SRGAP1: variants seen among roughly 807,000 people sequenced by gnomAD.
The protein encoded by SRGAP1 is SLIT-ROBO Rho GTPase-activating protein 1.
In SRGAP1, 43 loss-of-function variants were observed where a neutral mutation model predicts 121.9. The ratio of observed to expected loss-of-function variants is 0.35; its 90% confidence interval spans 0.28 to 0.46. The LOEUF (loss-of-function observed/expected upper bound fraction) is 0.46. SRGAP1 is among the 20% of genes least tolerant of loss of function. The pLI is 1.00. For synonymous variants in SRGAP1, 447 were observed against 485.4 expected (o/e 0.92, Z 1.04); for missense variants, 1,102 against 1,350.9 (o/e 0.82, Z 2.89).
chr12:64,018,111 G>A (rs2034453112), intron 4 of SRGAP1, among the ~76,000 whole-genome samples: 1 of 151,994 alleles, frequency 6.6e-6, no homozygotes, highest in Admixed American at 6.6e-5. Context: ...GTTTGTTTTT[G>A]AGGAGTCTTA....
chr12:63,855,993 C>T (rs538270767), intron 1 of SRGAP1, among the ~76,000 whole-genome samples: 1 of 152,158 alleles, frequency 6.6e-6, no homozygotes, highest in East Asian at 1.9e-4. Flanking sequence ...CTTGGTGGCT[C>T]ATGCCTGTAA....
At position 64,042,824 on chromosome 12, in the gene SRGAP1, G is replaced by A; in HGVS notation, c.524G>A (p.Ser175Asn). Residue 175 changes from serine to asparagine, a missense_variant, in exon 5 of 22, where the codon AGC becomes AAC. This residue lies in a region of SRGAP1 where 747 missense variants were observed against 929.4 expected (regional missense o/e 0.80). Transcript: ENST00000355086. ...MKTYHMYHAESISAESKLKEA... is the reference protein window; with the variant it reads ...MKTYHMYHAENISAESKLKEA... ...ACATACCATATGTATCATGCAGAGAGCATCAGTGCAGAGAGCAAGCTGAAA... is the reference window on the plus strand; with the variant it reads ...ACATACCATATGTATCATGCAGAGAACATCAGTGCAGAGAGCAAGCTGAAA... The A allele has an allele frequency of 6.2e-7, 1 of 1,613,850 alleles. No individual in the cohort carries two copies. The highest frequency in any genetic ancestry group is 2.2e-5 in the East Asian group (1 of 44,768).
Position 64,020,828 on chromosome 12 carries a change from A to C in SRGAP1, c.489+3816A>C, listed in dbSNP as rs570342029. ...ACTGCACTCCAGCTTGGGTGACAAG[A>C]GTGAGACTCCGTCTCAAAAAAAAAA... On this transcript the variant is annotated intron_variant, in intron 4 of 21. Transcript: ENST00000355086. Among the ~76,000 whole-genome samples the C allele has an allele frequency of 3.7e-5, 5 of 134,194 alleles. No individual in the cohort carries two copies. In the East Asian group the frequency reaches 1.2e-3, roughly 32 times the overall value. 88.0% of individuals were successfully genotyped at this position (134,194 alleles called of 152,430 possible). A position where few individuals can be genotyped will look rare whatever the true frequency, so the allele number is the denominator to read the frequency against.
rs113706581 is a variant in SRGAP1, at chr12:64,131,784, C to G, written c.2880+3584C>G. On this transcript the variant is annotated intron_variant, in intron 21 of 21. Coordinates refer to ENST00000355086, the MANE Select transcript of SRGAP1 (RefSeq NM_020762.4). ...TAGATGTGTCAGAAAGCACCCAGTT[C>G]ATAATAGGCAGTTCAGGTTGCATGG... is the stretch of plus-strand genomic sequence containing the variant. Among the ~76,000 whole-genome samples, 337 of 152,318 alleles carry G rather than the reference C, an allele frequency of 2.2e-3. 2 individuals are homozygous for G. The highest frequency in any genetic ancestry group is 7.6e-3 in the African/African-American group (315 of 41,578).
intron 3 of SRGAP1, among the ~76,000 whole-genome samples, chr12:64,007,839 A>G (rs2034132554): frequency 6.6e-6 from 1 of 152,192 alleles, no homozygotes; most frequent in Non-Finnish European, 1.5e-5. Context: ...AAGGGACTTT[A>G]TCTTCCTTAA....
intron 1 of SRGAP1, among the ~76,000 whole-genome samples, chr12:63,889,999 A>G (rs572792571): frequency 6.6e-6 from 1 of 152,058 alleles, no homozygotes; most frequent in Admixed American, 6.6e-5. Flanking sequence ...TGTTTGTTCC[A>G]TGACATGTCG....
At chr12:63,902,744 TTTGC>T (rs1454119517) in intron 1 of SRGAP1, among the ~76,000 whole-genome samples, 3 of 152,206 alleles carry the variant, frequency 2.0e-5, no homozygotes, top group African/African-American at 7.2e-5. Flanking sequence ...TTAAAATTAG[TTTGC>T]TTGCTTATTA....
chr12:63,898,528 A>G (rs913675045), intron 1 of SRGAP1, among the ~76,000 whole-genome samples: 3 of 152,232 alleles, frequency 2.0e-5, no homozygotes, highest in African/African-American at 7.2e-5. Context: ...TCCTTAAATT[A>G]AAATTTAAAT....
intron 4 of SRGAP1, among the ~76,000 whole-genome samples, chr12:64,019,638 G>T (rs2034495981): frequency 6.6e-6 from 1 of 151,994 alleles, no homozygotes; most frequent in African/African-American, 2.4e-5. Flanking sequence ...TTTATCTTCA[G>T]ATACACAAAC....
intron 4 of SRGAP1, among the ~76,000 whole-genome samples, chr12:64,023,344 G>A (rs1410324054): frequency 3.3e-5 from 5 of 151,984 alleles, no homozygotes; most frequent in African/African-American, 1.2e-4. Flanking sequence ...AGGTTAGAGG[G>A]AACATTCAAA....
chr12:64,049,092 G>A (rs1425048344), intron 6 of SRGAP1, among the ~76,000 whole-genome samples: 2 of 152,150 alleles, frequency 1.3e-5, no homozygotes, highest in Non-Finnish European at 2.9e-5. Flanking sequence ...CAATTGCCTG[G>A]AGAGTTTCTC....
chr12:63,971,073 A>C (rs997776718), intron 1 of SRGAP1, among the ~76,000 whole-genome samples: 5 of 152,192 alleles, frequency 3.3e-5, no homozygotes, highest in African/African-American at 1.2e-4. Context: ...AGACACTCTC[A>C]GCCACTCCTT....
intron 21 of SRGAP1, among the ~76,000 whole-genome samples, chr12:64,131,696 G>C (rs749390462): frequency 6.6e-6 from 1 of 152,278 alleles, no homozygotes; most frequent in Non-Finnish European, 1.5e-5. Flanking sequence ...GCATGAGCTC[G>C]ATCACATATA....
intron 6 of SRGAP1, among the ~76,000 whole-genome samples, chr12:64,050,214 T>C (rs1483888026): frequency 6.6e-6 from 1 of 152,216 alleles, no homozygotes; most frequent in Non-Finnish European, 1.5e-5. Context: ...TATAGAAATG[T>C]TGATTTTGTA....
intron 1 of SRGAP1, among the ~76,000 whole-genome samples, chr12:63,903,689 C>T (rs1396033422): frequency 6.6e-6 from 1 of 152,112 alleles, no homozygotes; most frequent in African/African-American, 2.4e-5. Flanking sequence ...GGCTGGAGTG[C>T]AGTGGTGTGG....
intron 1 of SRGAP1, among the ~76,000 whole-genome samples, chr12:63,979,488 C>T (rs1044330927): frequency 2.0e-5 from 3 of 151,682 alleles, no homozygotes; most frequent in Non-Finnish European, 2.9e-5. Context: ...TGGTTACTGC[C>T]GTGTATCTTG....
At chr12:64,042,190 C>G (rs2035039314) in intron 4 of SRGAP1, among the ~76,000 whole-genome samples, 1 of 152,016 alleles carries the variant, frequency 6.6e-6, no homozygotes. Flanking sequence ...AGCCAGCATA[C>G]CCGGCCTATT....
chr12:63,946,336 A>T (rs1305325244), intron 1 of SRGAP1, among the ~76,000 whole-genome samples: 6 of 150,622 alleles, frequency 4.0e-5, no homozygotes, highest in Non-Finnish European at 8.9e-5. Context: ...ATTGACCATA[A>T]ACTTCATATA....
intron 19 of SRGAP1, among the ~76,000 whole-genome samples, chr12:64,127,235 T>C (rs1276377365): frequency 1.3e-5 from 2 of 152,214 alleles, no homozygotes; most frequent in Non-Finnish European, 2.9e-5. Context: ...GTGACTGTAG[T>C]ATAAATGCCA....
Sources: gnomAD v4.1 joint callset for allele counts (sites outside exome capture counted in the v4.1 genomes callset) on GRCh38, gnomAD v4.1.1 for gene constraint, gnomAD v4.1.1 regional missense constraint, MANE v1.5 for transcripts, NCBI Gene and HGNC (gene_info 2026-07-23, HGNC 2026-07-21) for gene names.